The following SYNJ2 variants were observed in gnomAD, a reference collection of about 807,000 sequenced individuals.
SYNJ2 encodes the protein polyphosphatidylinositol phosphatase SYNJ2.
In SYNJ2, 116 loss-of-function variants were observed where a neutral mutation model predicts 141.3. That is an observed-to-expected ratio of 0.82 (90% CI 0.71 to 0.96). The LOEUF (loss-of-function observed/expected upper bound fraction) is 0.96, where lower values mean the gene tolerates loss of function less well. Ranked by LOEUF, SYNJ2 falls within the 40% of genes least tolerant of loss-of-function variation. The pLI, the probability that SYNJ2 is intolerant of heterozygous loss-of-function variation, is 0.00. For synonymous variants in SYNJ2, 745 were observed against 777.7 expected (o/e 0.96, Z 0.70); for missense variants, 1,873 against 1,934.8 (o/e 0.97, Z 0.60).
Position 158,097,938 on chromosome 6 carries a change from G to A in SYNJ2, c.*1574G>A, listed in dbSNP as rs879159853. ...GCGGTGTTTAGGTGATCAGGATGCC[G>A]TTGGTGGCATTTACGTGCTTTATAT... On this transcript the variant is annotated 3_prime_UTR_variant, in exon 27 of 27. Transcript: ENST00000355585. 4 of 151,804 alleles carry A rather than the reference G, an allele frequency of 2.6e-5. No homozygotes were observed. The East Asian group carries it at 7.7e-4, about 29-fold the overall frequency. 9.4% of individuals were successfully genotyped at this position (151,804 alleles called of 1,614,324 possible).
Position 158,074,587 on chromosome 6 carries a change from A to C in SYNJ2, c.2141A>C (p.Asn714Thr). Residue 714 changes from asparagine to threonine, a missense_variant, in exon 16 of 27, where the codon AAT becomes ACT. By Grantham distance (65) the Asn-to-Thr change is moderately conservative. Coordinates refer to ENST00000355585, the MANE Select transcript of SYNJ2 (RefSeq NM_003898.4). Reference protein sequence around the residue: ...TQKLCFPMGRNVFSHDYVFWC... With the variant: ...TQKLCFPMGRTVFSHDYVFWC... ...ATTTTCTTTTCAACTTAGGGGAGAA[A>C]TGTTTTTTCTCATGATTATGTATTT... The C allele has an allele frequency of 1.2e-6, 2 of 1,611,606 alleles. No individual in the cohort carries two copies. Among genetic ancestry groups the C allele is most frequent in the Non-Finnish European group, 1.7e-6 (2 of 1,179,154 alleles).
intron 1 of SYNJ2, among the ~76,000 whole-genome samples, chr6:157,989,881 G>A (rs750067752): frequency 4.6e-5 from 7 of 151,390 alleles, no homozygotes; most frequent in Non-Finnish European, 7.4e-5. Context: ...CCTGCAGAGC[G>A]TGTCTTCCTG....
At chr6:157,983,671 T>G (rs945505548) in intron 1 of SYNJ2, among the ~76,000 whole-genome samples, 1 of 152,184 alleles carries the variant, frequency 6.6e-6, no homozygotes, top group Admixed American at 6.5e-5. Context: ...CATTAGGAGC[T>G]GAAGTTTGGG....
In SYNJ2 at chr6:158,093,473, G is replaced by A. The variant is rs114401356; in HGVS notation, c.3744+369G>A. 3.7e-3 allele frequency among the ~76,000 whole-genome samples: 554 copies of A among 151,234 alleles called. 5 individuals carry two copies. The highest frequency in any genetic ancestry group is 0.013 in the African/African-American group (520 of 41,162). ...AACAAAAAAAAAAAAACAGATTTGC[G>A]TCTCACAGATAAAAATCTAGTTCCC... On this transcript the variant is annotated intron_variant, in intron 26 of 26. Transcript: ENST00000355585.
chr6:158,009,714 G>A (rs1195920398), intron 1 of SYNJ2, among the ~76,000 whole-genome samples: 2 of 152,230 alleles, frequency 1.3e-5, no homozygotes, highest in Admixed American at 1.3e-4. Flanking sequence ...CAAATGGGCA[G>A]GCCAAATTCA....
intron 4 of SYNJ2, among the ~76,000 whole-genome samples, chr6:158,036,821 A>C (rs746324875): frequency 7.2e-5 from 11 of 152,190 alleles, no homozygotes; most frequent in Non-Finnish European, 1.5e-4. Flanking sequence ...ACAGAGAGAG[A>C]AGCTGTGGCC....
intron 1 of SYNJ2, among the ~76,000 whole-genome samples, chr6:157,985,107 T>C (rs546855051): frequency 6.6e-6 from 1 of 152,370 alleles, no homozygotes; most frequent in African/African-American, 2.4e-5. Flanking sequence ...AAAGTACCTC[T>C]CGCCGAAGGG....
At chr6:158,033,415 T>G (rs756458340) in intron 3 of SYNJ2, 40 bp from the exon 4 acceptor site, 12 of 1,600,062 alleles carry the variant, frequency 7.5e-6, no homozygotes, top group Non-Finnish European at 1.0e-5. Flanking sequence ...TATTGGAGGA[T>G]GTCAAGTGAC....
At chr6:158,017,405 C>CATT in intron 2 of SYNJ2, 115 bp downstream of exon 2, 1 of 599,274 alleles carries the variant, frequency 1.7e-6, no homozygotes, top group Non-Finnish European at 2.3e-6. Context: ...TCTCTCTCTT[C>CATT]TTTTTTTTTT....
Position 158,016,535 on chromosome 6 carries a change from G to C in SYNJ2, c.128-669G>C, listed in dbSNP as rs1373373407. On this transcript the variant is annotated intron_variant, in intron 1 of 26. Coordinates refer to ENST00000355585, the MANE Select transcript of SYNJ2 (RefSeq NM_003898.4). ...TGCACTTAAAACATTATTCTGAGAA[G>C]GGGTCTAAAGGCCTGCCCCGTCGTC... is the stretch of plus-strand genomic sequence containing the variant. Among the ~76,000 whole-genome samples the C allele has an allele frequency of 2.8e-4, 43 of 152,098 alleles. 1 individual carries two copies. The highest frequency in any genetic ancestry group is 2.8e-3 in the Admixed American group (43 of 15,272).
At position 158,086,856 on chromosome 6, in the gene SYNJ2, T is replaced by C. The variant is rs1300223472; in HGVS notation, c.3210T>C (p.Asp1070=). 1.2e-6 allele frequency: 2 copies of C among 1,611,614 alleles called. No individual in the cohort carries two copies. The highest frequency in any genetic ancestry group is 1.7e-6 in the Non-Finnish European group (2 of 1,180,026). ...TKKKQHPTYK[D]DADLVELKRE... is the part of the protein sequence containing the mutation. ...CTCATGCCCCGCCATGTCCTCCAGA[T>C]GACGCGGACCTGGTGGAGCTCAAGC... The change falls in exon 23 of 27, where the codon GAT becomes GAC. Residue 1070 remains aspartate, a splice_region_variant and synonymous_variant. Transcript: ENST00000355585.
At position 158,011,211 on chromosome 6, in the gene SYNJ2, A is replaced by G. The variant is rs531835399; in HGVS notation, c.128-5993A>G. On this transcript the variant is annotated intron_variant, in intron 1 of 26. Transcript: ENST00000355585. ...GACTGGAGTGAGGAAGTCATAAGCC[A>G]AGGAACGCCAAGGACAGAACAAGCA... Among the ~76,000 whole-genome samples the G allele has an allele frequency of 5.3e-5, 8 of 152,254 alleles. No individual in the cohort carries two copies. In the South Asian group the frequency reaches 1.7e-3, roughly 32 times the overall value.
intron 4 of SYNJ2, among the ~76,000 whole-genome samples, chr6:158,039,090 C>T (rs907333768): frequency 1.3e-5 from 2 of 152,182 alleles, no homozygotes; most frequent in African/African-American, 4.8e-5. Flanking sequence ...TGACTGTTCC[C>T]CAAAAGCAAG....
chr6:158,095,936 C>T lies in SYNJ2; in HGVS notation c.4063C>T (p.Leu1355Phe), dbSNP rs1783774656. ...GCAGGTCCTGCAGAGCAACAGCCAG[C>T]TTCTCCAGGGCCTCACTTACAATAG... Reference protein sequence around the residue: ...HLQVLQSNSQLLQGLTYNSSD... With the variant: ...HLQVLQSNSQFLQGLTYNSSD... The change falls in exon 27 of 27, where the codon CTT becomes TTT. Residue 1355 changes from leucine (L) to phenylalanine (F), a missense_variant. By Grantham distance (22) the Leu-to-Phe change is conservative. Coordinates refer to ENST00000355585, the MANE Select transcript of SYNJ2 (RefSeq NM_003898.4). 3.7e-6 allele frequency: 6 copies of T among 1,614,136 alleles called. No homozygotes were observed. The highest frequency in any genetic ancestry group is 5.1e-6 in the Non-Finnish European group (6 of 1,180,018).
intron 4 of SYNJ2, among the ~76,000 whole-genome samples, chr6:158,042,265 G>T (rs942211244): frequency 5.3e-5 from 8 of 152,210 alleles, no homozygotes; most frequent in African/African-American, 1.9e-4. Flanking sequence ...TTTTCCTTTG[G>T]AGATTAAGGG....
At chr6:158,051,612 T>G (rs1250097671) in intron 5 of SYNJ2, among the ~76,000 whole-genome samples, 1 of 151,998 alleles carries the variant, frequency 6.6e-6, no homozygotes, top group African/African-American at 2.4e-5. Context: ...CAAAGTGTCT[T>G]AGGACCAAAA....
chr6:158,086,896 G>A lies in SYNJ2; in HGVS notation c.3250G>A (p.Val1084Ile), dbSNP rs1306308637. The part of the protein sequence containing the change: ...LVELKRELEA[V>I]GEFRHRSPSR... ...GGAGCTCAAGCGGGAGCTGGAAGCCGTCGGGGAGTTCCGCCACCGTTCTCC... is the reference window on the plus strand; with the variant it reads ...GGAGCTCAAGCGGGAGCTGGAAGCCATCGGGGAGTTCCGCCACCGTTCTCC... Residue 1084 changes from valine (V) to isoleucine (I), a missense_variant, in exon 23 of 27, where the codon GTC becomes ATC. By Grantham distance (29) the Val-to-Ile change is conservative. Coordinates refer to ENST00000355585, the MANE Select transcript of SYNJ2 (RefSeq NM_003898.4). The A allele has an allele frequency of 1.9e-6, 3 of 1,610,596 alleles. No homozygotes were observed. The highest frequency in any genetic ancestry group is 1.7e-6 in the Non-Finnish European group (2 of 1,180,014).
intron 17 of SYNJ2, among the ~76,000 whole-genome samples, chr6:158,077,056 C>T (rs1213507671): frequency 1.3e-5 from 2 of 151,146 alleles, no homozygotes; most frequent in African/African-American, 2.4e-5. Flanking sequence ...AGTGCAATGG[C>T]GTGATCTTGG....
In SYNJ2 at chr6:158,092,906, C is replaced by T; in HGVS notation, c.3566-20C>T. 6.4e-7 allele frequency: 1 copy of T among 1,571,436 alleles called. No homozygotes were observed. Among genetic ancestry groups the T allele is most frequent in the Non-Finnish European group, 8.6e-7 (1 of 1,163,796 alleles). On this transcript the variant is annotated intron_variant, in intron 25 of 26. Transcript: ENST00000355585. Reference sequence around the variant, plus strand: ...ATTGCCTTGTCCTTTACACTTCAGCCATGTGGTTTTATGTTTCAGGTGCCT... The same window carrying T: ...ATTGCCTTGTCCTTTACACTTCAGCTATGTGGTTTTATGTTTCAGGTGCCT...
Sources: gnomAD v4.1 joint callset for allele counts (sites outside exome capture counted in the v4.1 genomes callset) on GRCh38, gnomAD v4.1.1 for gene constraint, MANE v1.5 for transcripts, NCBI Gene and HGNC (gene_info 2026-07-23, HGNC 2026-07-21) for gene names.